FOCAD: variants seen among roughly 807,000 people sequenced by gnomAD.
FOCAD encodes focadhesin, also known as KIAA1797.
FOCAD carries 198 observed loss-of-function variants against 225.6 expected under a neutral mutation model. The ratio of observed to expected loss-of-function variants is 0.88; its 90% CI spans 0.78 to 0.99. FOCAD has a LOEUF of 0.99. FOCAD is among the 50% of genes least tolerant of loss of function. FOCAD has a pLI of 0.00. For synonymous variants in FOCAD, 897 were observed against 755.0 expected (o/e 1.19, Z -3.08); for missense variants, 2,713 against 2,123.6 (o/e 1.28, Z -5.46).
At chr9:20,866,268 T>A (rs1829222957) in intron 17 of FOCAD, among the ~76,000 whole-genome samples, 2 of 106,156 alleles carry the variant, frequency 1.9e-5, no homozygotes, top group African/African-American at 5.2e-5. Flanking sequence ...CCTTTCCTGC[T>A]TTGCCCCTTC....
intron 1 of FOCAD, among the ~76,000 whole-genome samples, chr9:20,713,121 G>A (rs1246646356): frequency 1.3e-5 from 2 of 152,156 alleles, no homozygotes; most frequent in African/African-American, 4.8e-5. Flanking sequence ...GGTACCCCAA[G>A]TGATTCTATT....
chr9:20,716,837 G>A (rs1216501901), intron 2 of FOCAD, among the ~76,000 whole-genome samples: 1 of 152,044 alleles, frequency 6.6e-6, no homozygotes, highest in Non-Finnish European at 1.5e-5. Context: ...TTTTCTACAC[G>A]AGTCTAAAAG....
intron 1 of FOCAD, among the ~76,000 whole-genome samples, chr9:20,699,750 AAAAAAAAAAAAAAAAAAAAAAAAATAT>A (rs1379623736): frequency 0.021 from 1,048 of 49,594 alleles, 6 homozygotes; most frequent in South Asian, 0.032. Context: ...AAAAAAAAAA[AAAAAAAAAAAAAAAAAAAAAAAAATAT>A]ATATATATAT....
intron 11 of FOCAD, among the ~76,000 whole-genome samples, chr9:20,818,782 A>G (rs747779708): frequency 6.6e-6 from 1 of 152,002 alleles, no homozygotes; most frequent in Non-Finnish European, 1.5e-5. Flanking sequence ...CTTTGTGGTA[A>G]ATTTGGAAGT....
intron 1 of FOCAD, among the ~76,000 whole-genome samples, chr9:20,710,319 G>T (rs1824733950): frequency 6.7e-6 from 1 of 148,536 alleles, no homozygotes. Context: ...AATATTACTG[G>T]GCACGGTGGC....
intron 11 of FOCAD, among the ~76,000 whole-genome samples, chr9:20,812,601 T>A (rs1823210352): frequency 6.6e-6 from 1 of 152,086 alleles, no homozygotes; most frequent in East Asian, 1.9e-4. Context: ...TTTTTCTTTA[T>A]GTTTTGTCCA....
intron 11 of FOCAD, among the ~76,000 whole-genome samples, chr9:20,799,931 T>G (rs1050466277): frequency 1.1e-4 from 17 of 152,168 alleles, no homozygotes; most frequent in African/African-American, 4.1e-4. Flanking sequence ...TGATGCAGTT[T>G]CTTCCTAGCC....
intron 15 of FOCAD, among the ~76,000 whole-genome samples, chr9:20,832,119 T>C (rs1259380343): frequency 6.6e-6 from 1 of 152,112 alleles, no homozygotes; most frequent in East Asian, 1.9e-4. Flanking sequence ...TTTTTGGCTA[T>C]AATGAATAAT....
intron 1 of FOCAD, among the ~76,000 whole-genome samples, chr9:20,707,151 A>G (rs1158838805): frequency 6.6e-6 from 1 of 152,196 alleles, no homozygotes; most frequent in Non-Finnish European, 1.5e-5. Context: ...TCTCTTCCAC[A>G]TCATATGGTT....
chr9:20,773,442 C>T (rs867406289), intron 8 of FOCAD, among the ~76,000 whole-genome samples: 2 of 152,106 alleles, frequency 1.3e-5, no homozygotes, highest in African/African-American at 4.8e-5. Context: ...TAAAGTAGCA[C>T]CCACAGGTGA....
chr9:20,740,767 G>T (rs192457345), intron 5 of FOCAD, among the ~76,000 whole-genome samples: 50 of 152,252 alleles, frequency 3.3e-4, no homozygotes, highest in African/African-American at 1.1e-3. Flanking sequence ...TTAGGCCAAG[G>T]TCAGTAGTTA....
chr9:20,940,316 C>G (rs1836519029), intron 28 of FOCAD, among the ~76,000 whole-genome samples: 1 of 145,386 alleles, frequency 6.9e-6, no homozygotes, highest in Non-Finnish European at 1.5e-5. Context: ...TAGGATATCA[C>G]TCTGTTGCTC....
intron 23 of FOCAD, among the ~76,000 whole-genome samples, chr9:20,914,200 T>G (rs757759122): frequency 6.6e-5 from 10 of 152,106 alleles, no homozygotes; most frequent in South Asian, 2.1e-4. Flanking sequence ...CAATCCCAAA[T>G]CTAAGTAAAG....
chr9:20,885,084 A>G (rs1830997715), intron 20 of FOCAD, 25 bp from the exon 21 acceptor site: 1 of 1,285,902 alleles, frequency 7.8e-7, no homozygotes, highest in South Asian at 2.2e-5. Context: ...AAAATAAAAT[A>G]AAGTCTATAT....
intron 21 of FOCAD, among the ~76,000 whole-genome samples, chr9:20,902,830 G>C (rs780435934): frequency 2.0e-5 from 3 of 151,996 alleles, no homozygotes; most frequent in South Asian, 4.2e-4. Flanking sequence ...AGATAATATT[G>C]ATGGGAACAG....
chr9:20,742,436 A>G (rs1212316547), intron 5 of FOCAD, among the ~76,000 whole-genome samples: 2 of 152,178 alleles, frequency 1.3e-5, no homozygotes, highest in African/African-American at 4.8e-5. Flanking sequence ...CTCCCAGGTG[A>G]TGCTGATGCT....
At chr9:20,951,196 A>ACTT in intron 34 of FOCAD, 98 bp downstream of exon 34, 1 of 869,760 alleles carries the variant, frequency 1.1e-6, no homozygotes, top group Non-Finnish European at 1.9e-6. Context: ...CAACAACCCT[A>ACTT]AGTAATGGGT....
Position 20,660,922 on chromosome 9 carries a change from A to C in FOCAD, c.-78+2096A>C, listed in dbSNP as rs1460971656. Among the ~76,000 whole-genome samples the C allele has an allele frequency of 3.3e-5, 5 of 152,208 alleles. No homozygotes were observed. The South Asian group carries it at 6.2e-4, about 19-fold the overall frequency. ...AGAGAGAGCAATTTGGGCAAAAATT[A>C]TGGGGACATTCCATGACAAGACTGT... On this transcript the variant is annotated intron_variant, in intron 2 of 45. Coordinates refer to the FOCAD transcript ENST00000380249.
At chr9:20,730,717 A>T (rs950492085) in intron 4 of FOCAD, among the ~76,000 whole-genome samples, 1 of 152,198 alleles carries the variant, frequency 6.6e-6, no homozygotes, top group African/African-American at 2.4e-5. Context: ...ATTAAGTCAT[A>T]GGAACCATCT....
Sources: allele counts gnomAD v4.1 joint callset (sites outside exome capture counted in the v4.1 genomes callset), GRCh38; gene constraint gnomAD v4.1.1; transcripts MANE v1.5; gene names NCBI Gene and HGNC (gene_info 2026-07-23, HGNC 2026-07-21).